CTNNA2: variants seen among roughly 807,000 people sequenced by gnomAD.
The protein encoded by CTNNA2 is catenin alpha 2, also known as catenin alpha-2.
In CTNNA2, 42 loss-of-function variants were observed where a neutral mutation model predicts 101.0. That is an observed-to-expected ratio of 0.42 (90% CI 0.32 to 0.54). The LOEUF is 0.54. Among genes scored for constraint, CTNNA2 ranks in the 20% least tolerant of loss-of-function variants. CTNNA2 has a pLI of 0.14. For missense variants in CTNNA2, 871 were observed against 1,223.1 expected (o/e 0.71, Z 4.29); for synonymous variants, 450 against 456.4 (o/e 0.99, Z 0.18).
At chr2:79,918,580 T>C (rs1686424700) in intron 7 of CTNNA2, among the ~76,000 whole-genome samples, 1 of 152,206 alleles carries the variant, frequency 6.6e-6, no homozygotes. Context: ...AAAAACACCT[T>C]ATCCTCTAAA....
At chr2:80,586,937 A>C (rs1490899438) in intron 14 of CTNNA2, among the ~76,000 whole-genome samples, 5 of 152,242 alleles carry the variant, frequency 3.3e-5, no homozygotes, top group Non-Finnish European at 7.4e-5. Flanking sequence ...TAGGCAACTC[A>C]TGTCTATGGC....
intron 2 of CTNNA2, among the ~76,000 whole-genome samples, chr2:79,673,753 C>G (rs887108619): frequency 6.6e-6 from 1 of 152,044 alleles, no homozygotes; most frequent in African/African-American, 2.4e-5. Flanking sequence ...TGTTTGATTA[C>G]TTCTATGATC....
intron 2 of CTNNA2, among the ~76,000 whole-genome samples, chr2:79,706,918 A>G (rs1444381717): frequency 1.3e-5 from 2 of 152,194 alleles, no homozygotes; most frequent in Admixed American, 6.5e-5. Context: ...TGCTTACCTG[A>G]TCTGGTCCCT....
chr2:79,756,649 A>G (rs1447748344), intron 3 of CTNNA2, among the ~76,000 whole-genome samples: 1 of 152,226 alleles, frequency 6.6e-6, no homozygotes, highest in African/African-American at 2.4e-5. Context: ...CATAAACTGC[A>G]AGAAAAAACT....
intron 1 of CTNNA2, among the ~76,000 whole-genome samples, chr2:79,532,154 G>A (rs1405843332): frequency 6.6e-6 from 1 of 152,028 alleles, no homozygotes; most frequent in African/African-American, 2.4e-5. Context: ...ACCAATTTCT[G>A]TTCCACTTTT....
At chr2:80,570,436 G>A (rs1358130291) in intron 12 of CTNNA2, among the ~76,000 whole-genome samples, 2 of 152,188 alleles carry the variant, frequency 1.3e-5, no homozygotes, top group African/African-American at 4.8e-5. Context: ...TTAAAGAACA[G>A]TAGCAGTTGA....
intron 1 of CTNNA2, among the ~76,000 whole-genome samples, chr2:79,536,686 T>TTTTTTCTTTTC (rs71385281): frequency 1.0e-4 from 14 of 139,926 alleles, no homozygotes; most frequent in Non-Finnish European, 1.7e-4. Context: ...ATGGATTTTT[T>TTTTTTCTTTTC]TTTTCTTTTC....
intron 5 of CTNNA2, 149 bp downstream of exon 5, chr2:79,870,084 G>T: frequency 2.0e-6 from 2 of 1,014,212 alleles, no homozygotes; most frequent in South Asian, 1.6e-5. Context: ...TCCTGCAGGG[G>T]CCAGTTGTGA....
intron 9 of CTNNA2, among the ~76,000 whole-genome samples, chr2:80,521,693 G>A (rs1471758125): frequency 6.6e-6 from 1 of 152,096 alleles, no homozygotes; most frequent in African/African-American, 2.4e-5. Context: ...GAGAAGACAA[G>A]GGAACGAATT....
At chr2:79,810,623 C>T (rs1676940692) in intron 3 of CTNNA2, among the ~76,000 whole-genome samples, 1 of 151,328 alleles carries the variant, frequency 6.6e-6, no homozygotes, top group Non-Finnish European at 1.5e-5. Context: ...GTGTGCTGCA[C>T]CCATTAACTC....
intron 7 of CTNNA2, among the ~76,000 whole-genome samples, chr2:80,270,160 A>G (rs542277078): frequency 5.0e-4 from 76 of 152,326 alleles, no homozygotes; most frequent in African/African-American, 1.8e-3. Flanking sequence ...CCCCCATTCC[A>G]TAATGATACA....
intron 7 of CTNNA2, among the ~76,000 whole-genome samples, chr2:80,178,004 T>C (rs2148974625): frequency 6.6e-6 from 1 of 152,350 alleles, no homozygotes; most frequent in Admixed American, 6.5e-5. Flanking sequence ...AGCTGTCCAC[T>C]TTCAGGTGGT....
At chr2:79,204,532 G>C (rs917468304) in intron 2 of CTNNA2, among the ~76,000 whole-genome samples, 1 of 152,126 alleles carries the variant, frequency 6.6e-6, no homozygotes. Context: ...AATTTCCCAT[G>C]ATGAAATGAG....
intron 4 of CTNNA2, among the ~76,000 whole-genome samples, chr2:79,426,712 C>T (rs947199059): frequency 5.9e-5 from 9 of 152,052 alleles, no homozygotes; most frequent in Admixed American, 4.6e-4. Context: ...TTACCTGTAA[C>T]GTTACTTTAT....
chr2:79,587,553 C>G (rs2103955462), intron 1 of CTNNA2, among the ~76,000 whole-genome samples: 1 of 152,246 alleles, frequency 6.6e-6, no homozygotes, highest in South Asian at 2.1e-4. Context: ...TTCCTCTTTT[C>G]TCTTTCATTC....
intron 9 of CTNNA2, among the ~76,000 whole-genome samples, chr2:80,541,865 C>T (rs996166425): frequency 1.3e-4 from 19 of 151,586 alleles, no homozygotes; most frequent in Non-Finnish European, 2.8e-4. Context: ...TGATATAATA[C>T]TTTGTGGCTG....
intron 1 of CTNNA2, among the ~76,000 whole-genome samples, chr2:79,530,708 A>C (rs988112205): frequency 1.3e-5 from 2 of 152,174 alleles, no homozygotes; most frequent in Non-Finnish European, 2.9e-5. Flanking sequence ...GTCACCTCAG[A>C]AACCTGATAG....
intron 3 of CTNNA2, among the ~76,000 whole-genome samples, chr2:79,359,318 C>A (rs1677575206): frequency 6.6e-6 from 1 of 152,110 alleles, no homozygotes; most frequent in Admixed American, 6.6e-5. Context: ...TTATAAATTT[C>A]TTTAAGTCTC....
intron 4 of CTNNA2, among the ~76,000 whole-genome samples, chr2:79,466,001 C>T (rs968612832): frequency 6.6e-6 from 1 of 152,134 alleles, no homozygotes; most frequent in Non-Finnish European, 1.5e-5. Flanking sequence ...AACCAAGGTA[C>T]TGGGTTCATC....
Sources: gnomAD v4.1 joint callset for allele counts (sites outside exome capture counted in the v4.1 genomes callset) on GRCh38, gnomAD v4.1.1 for gene constraint, MANE v1.5 for transcripts, NCBI Gene and HGNC (gene_info 2026-07-23, HGNC 2026-07-21) for gene names.